PRR14: variants seen among roughly 807,000 people sequenced by gnomAD.
PRR14 encodes proline rich 14.
A neutral mutation model predicts 57.2 loss-of-function variants in PRR14; 33 were observed. That is an observed-to-expected ratio of 0.58 (90% CI 0.44 to 0.77). The LOEUF (loss-of-function observed/expected upper bound fraction) is 0.77, where lower values mean the gene tolerates loss of function less well. PRR14 is among the 30% of genes least tolerant of loss of function. PRR14 has a pLI of 0.00. For synonymous variants in PRR14, 303 were observed against 314.7 expected, an observed-to-expected ratio of 0.96 and a Z score of 0.39; for missense variants, 716 against 788.1, an observed-to-expected ratio of 0.91 and a Z score of 1.10.
rs1231265719 is a variant in PRR14 at position 30,651,681 on chromosome 16, C to G, written c.23+13C>G. 1 of 1,611,822 alleles carries G rather than the reference C, an allele frequency of 6.2e-7. No homozygotes were observed. The highest frequency in any genetic ancestry group is 8.5e-7 in the Non-Finnish European group (1 of 1,179,556). The stretch of plus-strand genomic sequence containing the variant: ...CCGGGGACTCCAGGTGAGAGCGTAC[C>G]CGGGCGGCCCGCCTGTCTTGACCCC... On this transcript the variant is annotated intron_variant, in intron 2 of 11. Coordinates refer to ENST00000300835, the MANE Select transcript of PRR14 (RefSeq NM_024031.5). The surrounding 1 kb of genome is among the most constrained non-coding windows in gnomAD (Gnocchi z 5.0).
At chr16:30,653,453 CCAT>C in intron 6 of PRR14, 45 bp downstream of exon 6, 1 of 1,582,330 alleles carries the variant, frequency 6.3e-7, no homozygotes, top group South Asian at 1.1e-5. Flanking sequence ...CAGGCAACAG[CCAT>C]CATCCAGGTA....
At position 30,655,414 on chromosome 16, in the gene PRR14, G is replaced by C; in HGVS notation, c.1308G>C (p.Glu436Asp). Residue 436 changes from glutamate to aspartate, a missense_variant, in exon 9 of 12, where the codon GAG (glutamate) becomes GAC (aspartate). Glu to Asp is a conservative substitution (Grantham distance 45). Transcript: ENST00000300835. This position sits in a 1 kb window ranked among gnomAD's most constrained non-coding sequence, Gnocchi z 4.6. The stretch of plus-strand genomic sequence containing the variant: ...AGGACCAGGTGCTTTCAGAACCTGA[G>C]ACCAAGGTAGGCATTCAGATCGGGT... ...ASKDQVLSEP[E>D]TKTMGKVSRF... 6.2e-7 allele frequency: 1 copy of C among 1,614,196 alleles called. No individual in the cohort carries two copies. Among genetic ancestry groups the C allele is most frequent in the Non-Finnish European group, 8.5e-7 (1 of 1,180,036 alleles).
In PRR14 at chr16:30,651,996, C is replaced by T. The variant is rs777064359; in HGVS notation, c.192+32C>T. On this transcript the variant is annotated intron_variant, in intron 3 of 11. Transcript: ENST00000300835. The surrounding 1 kb of genome is among the most constrained non-coding windows in gnomAD (Gnocchi z 5.0). ...CCCCTGAACCAAGAGACTCTCTATTCCCCCATGACTTTCCTCACTACCAAA... is the reference window on the plus strand; with the variant it reads ...CCCCTGAACCAAGAGACTCTCTATTTCCCCATGACTTTCCTCACTACCAAA... The T allele has an allele frequency of 2.0e-6, 3 of 1,516,526 alleles. No homozygotes were observed. Among genetic ancestry groups the T allele is most frequent in the Admixed American group, 2.3e-5 (1 of 44,350 alleles). 93.9% of individuals were successfully genotyped at this position (1,516,526 alleles called of 1,614,324 possible). A position where few individuals can be genotyped will look rare whatever the true frequency, so the allele number is the denominator to read the frequency against.
Position 30,655,394 on chromosome 16 carries a change from C to A in PRR14, c.1288C>A (p.Gln430Lys). The A allele has an allele frequency of 1.2e-6, 2 of 1,614,118 alleles. No individual in the cohort carries two copies. Among genetic ancestry groups the A allele is most frequent in the Non-Finnish European group, 1.7e-6 (2 of 1,180,036 alleles). ...GAAGGAGCCAAGAGCCTCAAAGGAC[C>A]AGGTGCTTTCAGAACCTGAGACCAA... is the stretch of plus-strand genomic sequence containing the variant. ...KGKEPRASKD[Q>K]VLSEPETKTM... The change falls in exon 9 of 12, where the codon CAG becomes AAG. Residue 430 changes from glutamine (Q) to lysine (K), a missense_variant. By Grantham distance (53) the Gln-to-Lys change is moderately conservative. Coordinates refer to ENST00000300835, the MANE Select transcript of PRR14 (RefSeq NM_024031.5). This position sits in a 1 kb window ranked among gnomAD's most constrained non-coding sequence, Gnocchi z 4.6.
intron 7 of PRR14, 47 bp downstream of exon 7, chr16:30,654,386 T>C: frequency 6.8e-7 from 1 of 1,468,032 alleles, no homozygotes; most frequent in Non-Finnish European, 9.6e-7. Flanking sequence ...GTCTGGGACA[T>C]CCTAGTTGAG....
At chr16:30,653,272 C>T (rs1041013642) in intron 5 of PRR14, 93 bp from the exon 6 acceptor site, 14 of 1,476,638 alleles carry the variant, frequency 9.5e-6, no homozygotes, top group Non-Finnish European at 1.2e-5. Flanking sequence ...TTGGCGTGAA[C>T]CCAAGCAGCT....
At chr16:30,653,524 A>G in intron 6 of PRR14, 116 bp downstream of exon 6, 1 of 1,160,038 alleles carries the variant, frequency 8.6e-7, no homozygotes. Context: ...GCATCTTAAA[A>G]AGCCTTAAGG....
intron 7 of PRR14, 106 bp from the exon 8 acceptor site, chr16:30,654,523 G>A: frequency 8.7e-6 from 9 of 1,035,008 alleles, no homozygotes; most frequent in Non-Finnish European, 1.3e-5. Context: ...AGAACTTAGT[G>A]TTTTAAGGGT....
rs985214083 is a variant in PRR14, at chr16:30,655,139, T to C, written c.1169T>C (p.Val390Ala). 7 of 1,609,232 alleles carry C rather than the reference T, an allele frequency of 4.3e-6. No homozygotes were observed. The highest frequency in any genetic ancestry group is 5.1e-6 in the Non-Finnish European group (6 of 1,178,798). Reference protein sequence around the residue: ...LRKEVFPLGGVGASPSLTTSC... With the variant: ...LRKEVFPLGGAGASPSLTTSC... ...AAAGAGGTCTTCCCTCTCGGAGGAG[T>C]GGGAGCCTCCCCTTCTCTCACCACA... The change falls in exon 8 of 12, where the codon GTG becomes GCG. Residue 390 changes from valine to alanine, a missense_variant. Physicochemically the swap from Val to Ala is moderately conservative, Grantham distance 64. Transcript: ENST00000300835. The surrounding 1 kb of genome is among the most constrained non-coding windows in gnomAD (Gnocchi z 4.6).
intron 4 of PRR14, 30 bp downstream of exon 4, chr16:30,652,872 G>A (rs762589325): frequency 6.2e-7 from 1 of 1,613,988 alleles, no homozygotes; most frequent in Non-Finnish European, 8.5e-7. Context: ...GGTAAGCCGA[G>A]GGCCCAGCTG....
rs1276430035 is a variant in PRR14, at chr16:30,654,232, C to G, written c.551C>G (p.Ala184Gly). The change falls in exon 7 of 12, where the codon GCT (alanine) becomes GGT (glycine). Residue 184 changes from alanine to glycine, a missense_variant and splice_region_variant. Coordinates refer to ENST00000300835, the MANE Select transcript of PRR14 (RefSeq NM_024031.5). ...TPNFIIPAQR[A>G]EPMRIVRQPT... ...CTTTACCTTGCCCTTCACCCCAGAG[C>G]TGAGCCCATGAGGATAGTTCGCCAG... The G allele has an allele frequency of 6.2e-7, 1 of 1,613,574 alleles. No homozygotes were observed. Among genetic ancestry groups the G allele is most frequent in the East Asian group, 2.2e-5 (1 of 44,878 alleles).
Position 30,655,437 on chromosome 16 carries a change from G to T in PRR14, c.1314+17G>T, listed in dbSNP as rs1007155170. On this transcript the variant is annotated intron_variant, in intron 9 of 11. Transcript: ENST00000300835. This position sits in a 1 kb window ranked among gnomAD's most constrained non-coding sequence, Gnocchi z 4.6. ...GAGACCAAGGTAGGCATTCAGATCG[G>T]GTAGAAGAGACTAGTGGGGGCCTGA... is the stretch of plus-strand genomic sequence containing the variant. The T allele has an allele frequency of 1.9e-6, 3 of 1,614,078 alleles. No individual in the cohort carries two copies. In the African/African-American group the frequency reaches 4.0e-5, roughly 22 times the overall value.
At chr16:30,652,318 C>T (rs1464368133) in intron 3 of PRR14, 1 of 572,526 alleles carries the variant, frequency 1.7e-6, no homozygotes, top group Non-Finnish European at 3.3e-6. Context: ...ATCTCTGCCT[C>T]CCAAAGTATT....
In PRR14 at chr16:30,656,384, T is replaced by C. The variant is rs2052373066; in HGVS notation, c.*73T>C. 7.1e-7 allele frequency: 1 copy of C among 1,412,320 alleles called. No homozygotes were observed. 87.5% of individuals were successfully genotyped at this position (1,412,320 alleles called of 1,614,324 possible). On this transcript the variant is annotated 3_prime_UTR_variant, in exon 12 of 12. Transcript: ENST00000300835. ...AGGCAGTTATTTTTTTTTCTCTATA[T>C]TTCTAGTAAAGTTTTCGATATGTTT...
At position 30,651,885 on chromosome 16, in the gene PRR14, CG is replaced by C; in HGVS notation, c.118del (p.Ala40ProfsTer17). On this transcript the variant is annotated frameshift_variant, in exon 3 of 12. Transcript: ENST00000300835. LOFTEE classifies it high-confidence loss of function. The surrounding 1 kb of genome is among the most constrained non-coding windows in gnomAD (Gnocchi z 5.0). ...CCGAAACGGCCGAGGCTGCAGCTCC[CG>C]GGGGCCCCTTCTCCCCTGGAAAAGG... ...RSPKRPRLQL[P>X]GAPSPLEKAS... The C allele has an allele frequency of 6.2e-7, 1 of 1,605,524 alleles. No homozygotes were observed. Among genetic ancestry groups the C allele is most frequent in the Non-Finnish European group, 8.5e-7 (1 of 1,176,290 alleles).
chr16:30,655,751 A>T lies in PRR14; in HGVS notation c.1407-117A>T. 1 of 1,329,440 alleles carries T rather than the reference A, an allele frequency of 7.5e-7. No homozygotes were observed. Among genetic ancestry groups the T allele is most frequent in the Admixed American group, 1.7e-5 (1 of 58,376 alleles). The allele number at this position is 1,329,440 out of a possible 1,614,324, so 82.4% of individuals were successfully genotyped here. ...GTGCTCAAAATTGCCTGTCTGCCTT[A>T]TGTAGCACTCCTGGCCCTGACATGT... On this transcript the variant is annotated intron_variant, in intron 10 of 11. Coordinates refer to ENST00000300835, the MANE Select transcript of PRR14 (RefSeq NM_024031.5). The surrounding 1 kb of genome is among the most constrained non-coding windows in gnomAD (Gnocchi z 4.6).
intron 6 of PRR14, among the ~76,000 whole-genome samples, chr16:30,653,707 C>G (rs2052336318): frequency 6.6e-6 from 1 of 152,176 alleles, no homozygotes. Flanking sequence ...TGCTCTGTTG[C>G]CCAGGCTGGA....
At position 30,655,526 on chromosome 16, in the gene PRR14, A is replaced by C. The variant is rs773215184; in HGVS notation, c.1339A>C (p.Arg447=). 4 of 1,614,124 alleles carry C rather than the reference A, an allele frequency of 2.5e-6. No homozygotes were observed. In the African/African-American group the frequency reaches 4.0e-5, roughly 16 times the overall value. ...TKTMGKVSRF[R]IRRTPARPQL... ...GACCATGGGAAAGGTTTCTCGATTC[A>C]GAATACGCAGAACACCAGCCCGTCC... Residue 447 remains arginine, a synonymous_variant, in exon 10 of 12, where the codon AGA becomes CGA. Coordinates refer to ENST00000300835, the MANE Select transcript of PRR14 (RefSeq NM_024031.5). This position sits in a 1 kb window ranked among gnomAD's most constrained non-coding sequence, Gnocchi z 4.6.
Position 30,651,880 on chromosome 16 carries a change from G to T in PRR14, c.108G>T (p.Gln36His). The change falls in exon 3 of 12, where the codon CAG (glutamine) becomes CAT (histidine). Residue 36 changes from glutamine (Q) to histidine (H), a missense_variant. By Grantham distance (24) the Gln-to-His change is conservative. Coordinates refer to ENST00000300835, the MANE Select transcript of PRR14 (RefSeq NM_024031.5). This position sits in a 1 kb window ranked among gnomAD's most constrained non-coding sequence, Gnocchi z 5.0. The part of the protein sequence containing the change: ...GARSPKRPRL[Q>H]LPGAPSPLEK... ...GGAGCCCGAAACGGCCGAGGCTGCAGCTCCCGGGGGCCCCTTCTCCCCTGG... is the reference window on the plus strand; with the variant it reads ...GGAGCCCGAAACGGCCGAGGCTGCATCTCCCGGGGGCCCCTTCTCCCCTGG... The T allele has an allele frequency of 6.2e-7, 1 of 1,606,528 alleles. No individual in the cohort carries two copies.
Sources: allele counts gnomAD v4.1 joint callset (sites outside exome capture counted in the v4.1 genomes callset), GRCh38; gene constraint gnomAD v4.1.1; non-coding constraint Gnocchi (gnomAD v3.1); transcripts MANE v1.5; gene names NCBI Gene and HGNC (gene_info 2026-07-23, HGNC 2026-07-21).